COBL: variants seen among roughly 807,000 people sequenced by gnomAD.
The protein encoded by COBL is protein cordon-bleu.
Under a neutral mutation model 98.8 loss-of-function variants are expected in COBL, and 51 were observed. The ratio of observed to expected loss-of-function variants is 0.52; its 90% CI spans 0.41 to 0.65. The LOEUF (loss-of-function observed/expected upper bound fraction) is 0.65, where lower values mean the gene tolerates loss of function less well. Ranked by LOEUF, COBL falls within the 30% of genes least tolerant of loss-of-function variation. The pLI, the probability that COBL is intolerant of heterozygous loss-of-function variation, is 0.00. For synonymous variants in COBL, 634 were observed against 651.7 expected (o/e 0.97, Z 0.41); for missense variants, 1,617 against 1,617.5 (o/e 1.00, Z 0.01).
At chr7:51,126,200 C>T (rs535296482) in intron 6 of COBL, among the ~76,000 whole-genome samples, 34 of 152,218 alleles carry the variant, frequency 2.2e-4, no homozygotes, top group African/African-American at 4.6e-4. Context: ...TGGTAGCATG[C>T]GCCTGCAATC....
chr7:51,228,876 C>T (rs565077251), intron 1 of COBL, among the ~76,000 whole-genome samples: 63 of 151,984 alleles, frequency 4.1e-4, no homozygotes, highest in African/African-American at 1.5e-3. Context: ...CCCTGAGTTA[C>T]TACATTGTTC....
intron 1 of COBL, among the ~76,000 whole-genome samples, chr7:51,258,083 T>C (rs140823479): frequency 0.011 from 1,638 of 152,376 alleles, 23 homozygotes; most frequent in African/African-American, 0.037. Flanking sequence ...TTTCAAAATA[T>C]ACTTTTTTAT....
intron 5 of COBL, among the ~76,000 whole-genome samples, chr7:51,162,140 T>A (rs532960975): frequency 1.3e-5 from 2 of 152,122 alleles, no homozygotes; most frequent in Non-Finnish European, 2.9e-5. Flanking sequence ...TCCAGATGTG[T>A]GGGATGACGT....
chr7:51,191,844 G>C (rs1201219796), intron 3 of COBL, among the ~76,000 whole-genome samples: 2 of 152,088 alleles, frequency 1.3e-5, no homozygotes, highest in East Asian at 1.9e-4. Context: ...AGACACTGTA[G>C]AGCTGGACAC....
intron 1 of COBL, among the ~76,000 whole-genome samples, chr7:51,239,269 G>A (rs1795551520): frequency 6.6e-6 from 1 of 152,142 alleles, no homozygotes; most frequent in African/African-American, 2.4e-5. Context: ...TAAAGACCTT[G>A]CTGATTACAG....
intron 2 of COBL, among the ~76,000 whole-genome samples, chr7:51,218,598 C>G (rs201239092): frequency 6.6e-6 from 1 of 152,194 alleles, no homozygotes; most frequent in East Asian, 1.9e-4. Flanking sequence ...CTCAGCCTCC[C>G]AAGTAGCTGG....
At chr7:51,209,172 C>T (rs1792157784) in intron 2 of COBL, among the ~76,000 whole-genome samples, 2 of 152,040 alleles carry the variant, frequency 1.3e-5, no homozygotes, top group Admixed American at 1.3e-4. Context: ...AACCATAAAC[C>T]CACAGGCAAA....
intron 12 of COBL, chr7:51,022,697 C>T (rs1787060087): frequency 6.6e-6 from 1 of 152,246 alleles, no homozygotes; most frequent in African/African-American, 2.4e-5. Flanking sequence ...CTCTGGGCCC[C>T]AGGCCCTTCA....
chr7:51,063,138 C>CT (rs68014446), intron 7 of COBL, among the ~76,000 whole-genome samples: 12 of 144,120 alleles, frequency 8.3e-5, no homozygotes, highest in Admixed American at 6.2e-4. Context: ...TTTTCTCTCT[C>CT]TTTTTTTTTT....
rs1186062517 is a variant in COBL at position 51,016,583 on chromosome 7, A to G, written c.*968T>C. The G allele has an allele frequency of 5.0e-6, 1 of 200,840 alleles. No homozygotes were observed. Among genetic ancestry groups the G allele is most frequent in the Non-Finnish European group, 1.0e-5 (1 of 100,470 alleles). 12.4% of individuals were successfully genotyped at this position (200,840 alleles called of 1,614,324 possible). ...CGATATCATACAAAGGGAGCCAATG[A>G]GCTGTTGGACAAACGCGTCAAGGCT... On this transcript the variant is annotated 3_prime_UTR_variant, in exon 13 of 13. Transcript: ENST00000265136.
At chr7:51,084,668 A>G (rs1794026948) in intron 7 of COBL, among the ~76,000 whole-genome samples, 1 of 152,088 alleles carries the variant, frequency 6.6e-6, no homozygotes, top group South Asian at 2.1e-4. Flanking sequence ...CTCAAAGAAA[A>G]TCAGGGTCTT....
chr7:51,261,278 A>T (rs1243657161), intron 1 of COBL, among the ~76,000 whole-genome samples: 1 of 151,982 alleles, frequency 6.6e-6, no homozygotes, highest in Admixed American at 6.5e-5. Context: ...AGCCCTTGCA[A>T]CTCTCTTCCA....
Position 51,099,287 on chromosome 7 carries a change from CAG to C in COBL, c.958-13985_958-13984del, listed in dbSNP as rs547522771. On this transcript the variant is annotated intron_variant, in intron 6 of 12. Transcript: ENST00000265136. ...GATATACATCCAAAAGAACAGCAAA[CAG>C]AATTTCAAAGAGATGTGTTCTTGTT... Among the ~76,000 whole-genome samples, 12 of 152,226 alleles carry C rather than the reference CAG, an allele frequency of 7.9e-5. No individual in the cohort carries two copies. In the South Asian group the frequency reaches 2.3e-3, roughly 29 times the overall value.
At chr7:51,129,967 G>A (rs1583893323) in intron 6 of COBL, among the ~76,000 whole-genome samples, 1 of 152,200 alleles carries the variant, frequency 6.6e-6, no homozygotes, top group Non-Finnish European at 1.5e-5. Context: ...CAGTGCACCA[G>A]GAAACATCTC....
intron 6 of COBL, among the ~76,000 whole-genome samples, chr7:51,121,390 AAGG>A (rs1797724572): frequency 6.6e-6 from 1 of 152,168 alleles, no homozygotes; most frequent in Non-Finnish European, 1.5e-5. Context: ...TGTTGAGTTG[AAGG>A]AGTTCTCCAT....
At chr7:51,055,865 C>CA (rs1790698933) in intron 7 of COBL, among the ~76,000 whole-genome samples, 1 of 152,072 alleles carries the variant, frequency 6.6e-6, no homozygotes, top group African/African-American at 2.4e-5. Flanking sequence ...CAGCTGTCTC[C>CA]AACAACAGGC....
chr7:51,206,783 C>T (rs903562895), intron 2 of COBL, among the ~76,000 whole-genome samples: 39 of 152,202 alleles, frequency 2.6e-4, no homozygotes, highest in African/African-American at 9.4e-4. Context: ...AAGACAAACA[C>T]ACCACCTGAT....
chr7:51,128,600 T>C (rs1415897311), intron 6 of COBL, among the ~76,000 whole-genome samples: 1 of 152,162 alleles, frequency 6.6e-6, no homozygotes, highest in African/African-American at 2.4e-5. Flanking sequence ...ATTGCACCCA[T>C]TTACAGAAAG....
chr7:51,236,006 AC>A (rs1414870559), intron 1 of COBL, among the ~76,000 whole-genome samples: 1 of 152,180 alleles, frequency 6.6e-6, no homozygotes, highest in Non-Finnish European at 1.5e-5. Flanking sequence ...TGGAAAAAAA[AC>A]ATAATGTTTT....
Sources: gnomAD v4.1 joint callset for allele counts (sites outside exome capture counted in the v4.1 genomes callset) on GRCh38, gnomAD v4.1.1 for gene constraint, MANE v1.5 for transcripts, NCBI Gene and HGNC (gene_info 2026-07-23, HGNC 2026-07-21) for gene names.